Variants in ADCY1 observed in about 807,000 individuals in gnomAD.
ADCY1 encodes adenylate cyclase type 1.
In ADCY1, 28 loss-of-function variants were observed where a neutral mutation model predicts 105.4. That is an observed-to-expected ratio of 0.27 (90% CI 0.20 to 0.36). The LOEUF (loss-of-function observed/expected upper bound fraction) is 0.36, where lower values mean the gene tolerates loss of function less well. Among genes scored for constraint, ADCY1 ranks in the 10% least tolerant of loss-of-function variants. ADCY1 has a pLI of 1.00. For missense variants in ADCY1, 977 were observed against 1,434.2 expected (o/e 0.68, Z 5.15); for synonymous variants, 655 against 623.8 (o/e 1.05, Z -0.75).
intron 5 of ADCY1, among the ~76,000 whole-genome samples, chr7:45,650,191 T>C (rs2116066135): frequency 6.6e-6 from 1 of 152,336 alleles, no homozygotes; most frequent in Middle Eastern, 3.4e-3. Flanking sequence ...TGCCACATCA[T>C]GTTTCATGTA....
chr7:45,696,057 C>A lies in ADCY1; in HGVS notation c.2455-7319C>A, dbSNP rs145757170. ...TTAAGGCACCAGAGGCCGTCTGAAA[C>A]AGCAGACCCACCGGACATCCCCTAG... On this transcript the variant is annotated intron_variant, in intron 14 of 19. Coordinates refer to ENST00000297323, the MANE Select transcript of ADCY1 (RefSeq NM_021116.4). Among the ~76,000 whole-genome samples, 273 of 152,354 alleles carry A rather than the reference C, an allele frequency of 1.8e-3. 2 individuals are homozygous for A. Among genetic ancestry groups the A allele is most frequent in the African/African-American group, 6.4e-3 (265 of 41,588 alleles).
rs752845008 is a variant in ADCY1 at position 45,713,986 on chromosome 7, G to A, written c.3351G>A (p.Lys1117=). The A allele has an allele frequency of 1.2e-4, 94 of 775,996 alleles. 1 individual carries two copies. The East Asian group carries it at 2.2e-3, about 18-fold the overall frequency. The allele number at this position is 775,996 out of a possible 1,614,324, so 48.1% of individuals were successfully genotyped here. A position where few individuals can be genotyped will look rare whatever the true frequency, so the allele number is the denominator to read the frequency against. The change falls in exon 20 of 20, where the codon AAG becomes AAA. Residue 1117 remains lysine, a synonymous_variant. Coordinates refer to ENST00000297323, the MANE Select transcript of ADCY1 (RefSeq NM_021116.4). ...GQYLPSAAAG[K]EA ...ACCTGCCCTCTGCAGCAGCTGGGAA[G>A]GAGGCTTAGTGGAGCCCACGTGGGC...
rs573731746 is a variant in ADCY1, at chr7:45,666,194, G to C, written c.1605+3980G>C. Among the ~76,000 whole-genome samples, 9 of 152,114 alleles carry C rather than the reference G, an allele frequency of 5.9e-5. No individual in the cohort carries two copies. In the South Asian group the frequency reaches 1.9e-3, roughly 32 times the overall value. The stretch of plus-strand genomic sequence containing the variant: ...GTACATGTGAACAATGTGCAGGTTA[G>C]TTACATATGTATACATGTGCCATGT... On this transcript the variant is annotated intron_variant, in intron 8 of 19. Transcript: ENST00000297323.
At chr7:45,664,580 C>T in intron 8 of ADCY1, 1 of 1,169,266 alleles carries the variant, frequency 8.6e-7, no homozygotes, top group Middle Eastern at 3.1e-4. Flanking sequence ...GGAATCCTAC[C>T]ATCTCACAAA....
chr7:45,610,444 G>A lies in ADCY1; in HGVS notation c.855G>A (p.Lys285=). Residue 285 remains lysine, a synonymous_variant, in exon 3 of 20, where the codon AAG becomes AAA. Transcript: ENST00000297323. ...TGGAGATGAAGGAGGACTTCCTGAA[G>A]CCCCCTGAGAGGATTTTCCACAAGA... ...VAMEMKEDFL[K]PPERIFHKIY... The A allele has an allele frequency of 1.2e-6, 2 of 1,614,052 alleles. No homozygotes were observed. Among genetic ancestry groups the A allele is most frequent in the Middle Eastern group, 3.3e-4 (2 of 6,058 alleles).
chr7:45,704,400 G>T, intron 16 of ADCY1, 118 bp from the exon 17 acceptor site: 1 of 800,876 alleles, frequency 1.2e-6, no homozygotes. Context: ...AAGCAAAGAA[G>T]ACATGTTGCT....
At chr7:45,652,131 A>G (rs543423614) in intron 5 of ADCY1, among the ~76,000 whole-genome samples, 1 of 152,296 alleles carries the variant, frequency 6.6e-6, no homozygotes, top group African/African-American at 2.4e-5. Flanking sequence ...AAAGAGCTAC[A>G]CACTTTCAAA....
intron 5 of ADCY1, among the ~76,000 whole-genome samples, chr7:45,656,493 G>A (rs538883668): frequency 1.6e-4 from 24 of 152,328 alleles, no homozygotes; most frequent in African/African-American, 5.5e-4. Flanking sequence ...TGGCTGCTGG[G>A]GCCTCCATGT....
At chr7:45,639,605 C>T (rs998290393) in intron 4 of ADCY1, among the ~76,000 whole-genome samples, 3 of 152,248 alleles carry the variant, frequency 2.0e-5, no homozygotes, top group African/African-American at 7.2e-5. Flanking sequence ...AGCACAGCCC[C>T]TTAGTTCTGG....
At chr7:45,687,461 C>G (rs114935893) in intron 14 of ADCY1, among the ~76,000 whole-genome samples, 1 of 152,194 alleles carries the variant, frequency 6.6e-6, no homozygotes, top group Admixed American at 6.5e-5. Flanking sequence ...CACAGCCCTC[C>G]GGGAGGTGAG....
intron 5 of ADCY1, among the ~76,000 whole-genome samples, chr7:45,655,880 A>G (rs1251316161): frequency 6.6e-6 from 1 of 152,052 alleles, no homozygotes; most frequent in Non-Finnish European, 1.5e-5. Flanking sequence ...TGTTATTTAC[A>G]TTTTCCCGTA....
At chr7:45,619,450 C>T (rs550104654) in intron 3 of ADCY1, among the ~76,000 whole-genome samples, 12 of 152,096 alleles carry the variant, frequency 7.9e-5, no homozygotes, top group Admixed American at 3.3e-4. Context: ...ATGTTGTATA[C>T]ATATATTGAA....
At chr7:45,659,905 G>C (rs1795049425) in intron 6 of ADCY1, 137 bp from the exon 7 acceptor site, 1 of 1,094,572 alleles carries the variant, frequency 9.1e-7, no homozygotes. Flanking sequence ...ACTTGCATGG[G>C]AGCATGAATA....
At chr7:45,650,133 A>T (rs1794769344) in intron 5 of ADCY1, among the ~76,000 whole-genome samples, 1 of 152,226 alleles carries the variant, frequency 6.6e-6, no homozygotes, top group Non-Finnish European at 1.5e-5. Flanking sequence ...GACATCATAC[A>T]TCACCTTACA....
chr7:45,610,368 C>G lies in ADCY1; in HGVS notation c.790-11C>G, dbSNP rs763452362. On this transcript the variant is annotated splice_polypyrimidine_tract_variant and intron_variant, in intron 2 of 19. Transcript: ENST00000297323. The stretch of plus-strand genomic sequence containing the variant: ...CCTGCTGTCTAACCCGGGCCCTTCT[C>G]TTCTGTCCAGGAGCGGCTCCTCATG... 5 of 1,612,500 alleles carry G rather than the reference C, an allele frequency of 3.1e-6. No homozygotes were observed. The East Asian group carries it at 8.9e-5, about 29-fold the overall frequency.
intron 17 of ADCY1, among the ~76,000 whole-genome samples, chr7:45,706,027 A>G (rs1322891338): frequency 1.3e-5 from 2 of 152,224 alleles, no homozygotes; most frequent in East Asian, 3.8e-4. Flanking sequence ...GAGCAAAACT[A>G]TAAAATTCTG....
chr7:45,706,428 G>A (rs1250690640), intron 17 of ADCY1, among the ~76,000 whole-genome samples: 1 of 131,602 alleles, frequency 7.6e-6, no homozygotes, highest in Non-Finnish European at 1.5e-5. Flanking sequence ...AGGAGCAGTA[G>A]CAATACCATG....
rs114546663 is a variant in ADCY1, at chr7:45,597,632, C to T, written c.789+4724C>T. ...TGTCAATAGCCCTGCGGGTGCCCTG[C>T]AGAATCTTTGAGGCTTTAAGGGTCT... On this transcript the variant is annotated intron_variant, in intron 2 of 19. Transcript: ENST00000297323. 9.5e-3 allele frequency among the ~76,000 whole-genome samples: 1,452 copies of T among 152,340 alleles called. 23 individuals carry two copies. Among genetic ancestry groups the T allele is most frequent in the African/African-American group, 0.033 (1,379 of 41,568 alleles).
chr7:45,664,585 C>T, intron 8 of ADCY1: 1 of 1,134,642 alleles, frequency 8.8e-7, no homozygotes, highest in African/African-American at 1.5e-5. Flanking sequence ...CCTACCATCT[C>T]ACAAAAAAGC....
Sources: allele counts gnomAD v4.1 joint callset (sites outside exome capture counted in the v4.1 genomes callset), GRCh38; gene constraint gnomAD v4.1.1; transcripts MANE v1.5; gene names NCBI Gene and HGNC (gene_info 2026-07-23, HGNC 2026-07-21).